Variants in RBFOX1 observed in about 807,000 individuals in gnomAD.
The protein encoded by RBFOX1 is RNA binding protein fox-1 homolog 1.
Under a neutral mutation model 57.7 loss-of-function variants are expected in RBFOX1, and 8 were observed. The observed-to-expected ratio is 0.14, with a 90% CI of 0.08 to 0.25. The LOEUF is 0.25. Among genes scored for constraint, RBFOX1 ranks in the 10% least tolerant of loss-of-function variants. The pLI is 1.00. For synonymous variants in RBFOX1, 326 were observed against 222.4 expected (o/e 1.47, Z -4.15); for missense variants, 611 against 548.5 (o/e 1.11, Z -1.14).
At chr16:7,599,568 A>G (rs1568025261) in intron 9 of RBFOX1, among the ~76,000 whole-genome samples, 2 of 151,968 alleles carry the variant, frequency 1.3e-5, no homozygotes, top group African/African-American at 2.4e-5. Flanking sequence ...AGTCCTATAA[A>G]GAGGACATCA....
chr16:5,459,515 C>T (rs970576415), intron 1 of RBFOX1, among the ~76,000 whole-genome samples: 1 of 152,156 alleles, frequency 6.6e-6, no homozygotes, highest in Non-Finnish European at 1.5e-5. Flanking sequence ...CCTGACCACT[C>T]TAAATGGATG....
chr16:5,853,752 A>C (rs539655004), intron 3 of RBFOX1, among the ~76,000 whole-genome samples: 1 of 152,176 alleles, frequency 6.6e-6, no homozygotes, highest in South Asian at 2.1e-4. Context: ...CTGCATTTCA[A>C]ATTGTGGCTT....
At chr16:6,189,704 G>C (rs1381535043) in intron 1 of RBFOX1, among the ~76,000 whole-genome samples, 6 of 152,148 alleles carry the variant, frequency 3.9e-5, no homozygotes, top group African/African-American at 1.4e-4. Flanking sequence ...TTGTGGTTGA[G>C]GTTAGAACAC....
chr16:5,724,173 T>C (rs2108988), intron 3 of RBFOX1, among the ~76,000 whole-genome samples: 46,905 of 152,046 alleles, frequency 0.31, 8,219 homozygotes, highest in East Asian at 0.8. Context: ...GAATGTTTTT[T>C]CCTGAGTGGC....
At chr16:6,295,356 C>A (rs2077984412) in intron 1 of RBFOX1, among the ~76,000 whole-genome samples, 1 of 152,074 alleles carries the variant, frequency 6.6e-6, no homozygotes, top group Non-Finnish European at 1.5e-5. Context: ...GATCCCTTGA[C>A]CTTGTGATCT....
intron 3 of RBFOX1, among the ~76,000 whole-genome samples, chr16:5,622,379 G>A (rs1206342864): frequency 2.0e-5 from 3 of 152,186 alleles, no homozygotes; most frequent in African/African-American, 7.2e-5. Context: ...TAGGTTCCAT[G>A]GGGTAAGGAG....
chr16:5,466,109 T>G (rs993379560), intron 1 of RBFOX1, among the ~76,000 whole-genome samples: 9 of 152,202 alleles, frequency 5.9e-5, no homozygotes, highest in African/African-American at 2.2e-4. Flanking sequence ...TCTCCCACTT[T>G]AGGTGGGAAA....
At chr16:7,054,804 T>C (rs776932750) in intron 4 of RBFOX1, among the ~76,000 whole-genome samples, 9 of 152,226 alleles carry the variant, frequency 5.9e-5, no homozygotes, top group Non-Finnish European at 8.8e-5. Context: ...GGCCGTGTTA[T>C]CATGTCGAGG....
At chr16:6,319,760 C>G (rs773393448) in intron 2 of RBFOX1, among the ~76,000 whole-genome samples, 1 of 152,134 alleles carries the variant, frequency 6.6e-6, no homozygotes, top group Non-Finnish European at 1.5e-5. Context: ...ACAGAAAGCT[C>G]ACAGTAGCAG....
At chr16:6,880,798 A>G (rs1844988) in intron 3 of RBFOX1, among the ~76,000 whole-genome samples, 109,814 of 148,470 alleles carry the variant, frequency 0.74, 39,894 homozygotes, top group East Asian at 0.92. Context: ...AGTATTTCTT[A>G]TATTATTGAA....
intron 14 of RBFOX1, among the ~76,000 whole-genome samples, chr16:7,689,088 A>G (rs1346027674): frequency 6.6e-6 from 1 of 152,108 alleles, no homozygotes; most frequent in Non-Finnish European, 1.5e-5. Flanking sequence ...AGACGAGGAT[A>G]AAAAGAAGGG....
At chr16:7,355,021 T>C (rs1331812467) in intron 4 of RBFOX1, among the ~76,000 whole-genome samples, 1 of 152,228 alleles carries the variant, frequency 6.6e-6, no homozygotes, top group Non-Finnish European at 1.5e-5. Flanking sequence ...CGTTTGTACT[T>C]GCCCTGTACC....
intron 2 of RBFOX1, among the ~76,000 whole-genome samples, chr16:6,635,839 C>G (rs1243382816): frequency 1.3e-5 from 2 of 152,112 alleles, no homozygotes; most frequent in African/African-American, 4.8e-5. Flanking sequence ...TAAGTATAGT[C>G]TGACTATTCC....
chr16:6,263,734 C>T (rs1447781517), intron 1 of RBFOX1, among the ~76,000 whole-genome samples: 10 of 152,086 alleles, frequency 6.6e-5, no homozygotes, highest in Admixed American at 6.5e-4. Flanking sequence ...GTAAATTTGT[C>T]ATTATCTCCT....
chr16:7,497,325 C>T (rs2069008040), intron 4 of RBFOX1, among the ~76,000 whole-genome samples: 1 of 152,110 alleles, frequency 6.6e-6, no homozygotes, highest in Non-Finnish European at 1.5e-5. Context: ...GTGTGCTTTT[C>T]CTCTTCCTTG....
At chr16:7,312,593 C>T (rs555751443) in intron 4 of RBFOX1, among the ~76,000 whole-genome samples, 1 of 152,248 alleles carries the variant, frequency 6.6e-6, no homozygotes, top group South Asian at 2.1e-4. Context: ...GAGCTCTTCT[C>T]TTTCTTCCTC....
chr16:7,283,868 TGTA>T (rs1193260603), intron 4 of RBFOX1, among the ~76,000 whole-genome samples: 6 of 152,184 alleles, frequency 3.9e-5, no homozygotes, highest in African/African-American at 1.4e-4. Context: ...CATACAGTGA[TGTA>T]ATAACCACCA....
At chr16:5,828,275 A>G (rs1180320328) in intron 3 of RBFOX1, among the ~76,000 whole-genome samples, 1 of 152,202 alleles carries the variant, frequency 6.6e-6, no homozygotes, top group Admixed American at 6.6e-5. Flanking sequence ...GCATGATTTA[A>G]CTCATATATA....
chr16:5,602,141 TG>T (rs1373625076), downstream of RBFOX1, among the ~76,000 whole-genome samples: 1 of 152,218 alleles, frequency 6.6e-6, no homozygotes, highest in Non-Finnish European at 1.5e-5. Flanking sequence ...CTTCCTGTCT[TG>T]CCTTGGAATG....
Sources: gnomAD v4.1 joint callset for allele counts (sites outside exome capture counted in the v4.1 genomes callset) on GRCh38, gnomAD v4.1.1 for gene constraint, MANE v1.5 for transcripts, NCBI Gene and HGNC (gene_info 2026-07-23, HGNC 2026-07-21) for gene names.